Variants in TENM3 observed in about 807,000 individuals in gnomAD.
TENM3 encodes the protein teneurin-3.
Under a neutral mutation model 255.1 loss-of-function variants are expected in TENM3, and 63 were observed. The ratio of observed to expected loss-of-function variants is 0.25; its 90% CI spans 0.20 to 0.30. The LOEUF (loss-of-function observed/expected upper bound fraction) is 0.30. Among genes scored for constraint, TENM3 ranks in the 10% least tolerant of loss-of-function variants. TENM3 has a pLI of 1.00. For synonymous variants in TENM3, 1,306 were observed against 1,322.3 expected (o/e 0.99, Z 0.27); for missense variants, 2,929 against 3,461.1 (o/e 0.85, Z 3.86).
chr4:181,767,901 A>T, the TENM3 span, among the ~76,000 whole-genome samples: 1 of 152,214 alleles, frequency 6.6e-6, no homozygotes, highest in African/African-American at 2.4e-5. Flanking sequence ...GAGGACATCC[A>T]TGAAAATGGT....
At chr4:182,138,922 A>G in the TENM3 span, among the ~76,000 whole-genome samples, 1 of 152,258 alleles carries the variant, frequency 6.6e-6, no homozygotes, top group Non-Finnish European at 1.5e-5. Flanking sequence ...TGGTCAGAGA[A>G]GTAGAACAGT....
At chr4:181,756,857 T>A in the TENM3 span, among the ~76,000 whole-genome samples, 3 of 152,186 alleles carry the variant, frequency 2.0e-5, no homozygotes, top group African/African-American at 7.2e-5. Context: ...ACTTTCCATA[T>A]TAGGACAAAG....
At chr4:181,593,622 A>G in the TENM3 span, among the ~76,000 whole-genome samples, 12 of 152,224 alleles carry the variant, frequency 7.9e-5, no homozygotes, top group African/African-American at 2.9e-4. Flanking sequence ...GTTAGTATAC[A>G]TATTTTTAAA....
chr4:181,611,390 G>T, the TENM3 span, among the ~76,000 whole-genome samples: 2 of 152,278 alleles, frequency 1.3e-5, no homozygotes, highest in East Asian at 3.9e-4. Context: ...TACCGACTGT[G>T]TCAATACCCT....
the TENM3 span, among the ~76,000 whole-genome samples, chr4:181,792,845 G>T: frequency 3.3e-5 from 5 of 151,984 alleles, no homozygotes; most frequent in Non-Finnish European, 5.9e-5. Context: ...CAGCTTTCCT[G>T]GCTGAGCTTT....
At chr4:181,656,138 G>A in the TENM3 span, among the ~76,000 whole-genome samples, 2 of 152,102 alleles carry the variant, frequency 1.3e-5, no homozygotes, top group Non-Finnish European at 2.9e-5. Flanking sequence ...GAGCCTTGGG[G>A]ATGGCACACA....
the TENM3 span, among the ~76,000 whole-genome samples, chr4:181,823,671 C>T: frequency 1.3e-5 from 2 of 152,124 alleles, no homozygotes; most frequent in East Asian, 3.9e-4. Context: ...AAAACCAATA[C>T]ACTAAGTTGT....
the TENM3 span, among the ~76,000 whole-genome samples, chr4:181,708,698 A>G: frequency 2.0e-5 from 3 of 152,094 alleles, no homozygotes; most frequent in Non-Finnish European, 4.4e-5. Flanking sequence ...AAAAAAAAGT[A>G]CTGATACATG....
intron 10 of TENM3, 58 bp downstream of exon 10, chr4:182,680,795 A>T: frequency 6.0e-6 from 8 of 1,326,206 alleles, no homozygotes; most frequent in African/African-American, 1.5e-5. Flanking sequence ...AACAGATTGT[A>T]TCTGTAATCT....
At chr4:182,642,700 T>C (rs1752419503) in intron 5 of TENM3, among the ~76,000 whole-genome samples, 1 of 152,338 alleles carries the variant, frequency 6.6e-6, no homozygotes, top group Non-Finnish European at 1.5e-5. Flanking sequence ...ATAAAGCCTA[T>C]ACTTTTAGAA....
At chr4:182,759,988 A>T (rs1412415428) in intron 22 of TENM3, among the ~76,000 whole-genome samples, 2 of 152,170 alleles carry the variant, frequency 1.3e-5, no homozygotes, top group African/African-American at 4.8e-5. Flanking sequence ...ATGGTTTATA[A>T]CTCAGCTTTG....
At chr4:181,585,020 A>G in the TENM3 span, among the ~76,000 whole-genome samples, 47 of 150,798 alleles carry the variant, frequency 3.1e-4, no homozygotes, top group Non-Finnish European at 5.2e-4. Flanking sequence ...AAAAAAAAAA[A>G]TCCTCCTTTT....
chr4:181,571,970 C>A, the TENM3 span, among the ~76,000 whole-genome samples: 1 of 152,076 alleles, frequency 6.6e-6, no homozygotes, highest in Non-Finnish European at 1.5e-5. Context: ...TTATAGGAAT[C>A]TTTATAGTGT....
the TENM3 span, among the ~76,000 whole-genome samples, chr4:181,818,611 CTTTT>C: frequency 7.1e-6 from 1 of 141,548 alleles, no homozygotes; most frequent in Non-Finnish European, 1.5e-5. Context: ...CAGTAAATCT[CTTTT>C]TTTTTTTTTT....
At chr4:181,645,238 G>C in the TENM3 span, among the ~76,000 whole-genome samples, 1 of 152,198 alleles carries the variant, frequency 6.6e-6, no homozygotes, top group African/African-American at 2.4e-5. Flanking sequence ...GGAGATTACA[G>C]TTTTAGACCT....
chr4:182,611,070 G>A (rs1486513276), intron 4 of TENM3, among the ~76,000 whole-genome samples: 2 of 152,076 alleles, frequency 1.3e-5, no homozygotes, highest in East Asian at 1.9e-4. Context: ...AAGGCCCATT[G>A]AGATTTAGTA....
At chr4:181,990,400 TA>T in the TENM3 span, among the ~76,000 whole-genome samples, 1 of 152,154 alleles carries the variant, frequency 6.6e-6, no homozygotes, top group Non-Finnish European at 1.5e-5. Flanking sequence ...TTGTCCTCAA[TA>T]AAGTTATTTT....
At chr4:182,223,556 C>T (rs916167246) in intron 1 of TENM3, among the ~76,000 whole-genome samples, 4 of 152,082 alleles carry the variant, frequency 2.6e-5, no homozygotes, top group African/African-American at 7.2e-5. Context: ...TTTAACACAC[C>T]TAATGTGACC....
At chr4:182,364,033 A>G (rs567402827) in intron 3 of TENM3, among the ~76,000 whole-genome samples, 13 of 152,232 alleles carry the variant, frequency 8.5e-5, no homozygotes, top group African/African-American at 2.4e-4. Flanking sequence ...AAATATGCCT[A>G]TAGGTGAACC....
Sources: gnomAD v4.1 joint callset for allele counts (sites outside exome capture counted in the v4.1 genomes callset) on GRCh38, gnomAD v4.1.1 for gene constraint, MANE v1.5 for transcripts, NCBI Gene and HGNC (gene_info 2026-07-23, HGNC 2026-07-21) for gene names.